TTN: variants seen among roughly 807,000 people sequenced by gnomAD.
TTN encodes titin.
A neutral mutation model predicts 3,223.0 loss-of-function variants in TTN; 1,525 were observed. That is an observed-to-expected ratio of 0.47 (90% CI 0.45 to 0.49). The LOEUF is 0.49. TTN is among the 20% of genes least tolerant of loss of function. The pLI is 0.00. For synonymous variants in TTN, 14,094 were observed against 15,161.0 expected (o/e 0.93, Z 5.17); for missense variants, 40,786 against 43,424.0 (o/e 0.94, Z 5.40).
At position 178,571,627 on chromosome 2, in the gene TTN, A is replaced by G. The variant is rs767447882; in HGVS notation, c.74505T>C (p.Tyr24835=). ...SITLSWGPPK[Y]DGGSSINNYI... ...AATTATTGATAGAACTTCCACCATC[A>G]TACTTGGGTGGGCCCCAGGAAAGAG... The change falls in exon 326 of 363, where the codon TAT becomes TAC. Residue 24835 remains tyrosine, a synonymous_variant. Coordinates refer to ENST00000589042, the MANE Select transcript of TTN (RefSeq NM_001267550.2). 6.2e-7 allele frequency: 1 copy of G among 1,613,324 alleles called. No homozygotes were observed. The highest frequency in any genetic ancestry group is 2.2e-5 in the East Asian group (1 of 44,700).
intron 100 of TTN, among the ~76,000 whole-genome samples, 193 bp from the exon 101 acceptor site, chr2:178,707,147 G>A (rs1322092534): frequency 6.6e-6 from 1 of 152,138 alleles, no homozygotes; most frequent in Non-Finnish European, 1.5e-5. Flanking sequence ...GCTATCAAAG[G>A]TTGAACTATA....
At position 178,574,153 on chromosome 2, in the gene TTN, A is replaced by T. The variant is rs762621988; in HGVS notation, c.71979T>A (p.Ala23993=). The T allele has an allele frequency of 6.2e-7, 1 of 1,613,628 alleles. No homozygotes were observed. The highest frequency in any genetic ancestry group is 8.5e-7 in the Non-Finnish European group (1 of 1,179,662). The change falls in exon 326 of 363, where the codon GCT becomes GCA. Residue 23993 remains alanine (A), a synonymous_variant. Coordinates refer to ENST00000589042, the MANE Select transcript of TTN (RefSeq NM_001267550.2). ...EFTVSGLTED[A]AYEFRVIAKN... is the part of the protein sequence containing the mutation. ...TGGCGATCACACGGAATTCATATGC[A>T]GCATCTTCTGTTAGGCCACTGACTG...
intron 150 of TTN, 24 bp from the exon 151 acceptor site, chr2:178,674,433 A>G (rs572658988): frequency 3.8e-6 from 5 of 1,319,312 alleles, no homozygotes; most frequent in Admixed American, 5.0e-5. Context: ...ATTATTTTGT[A>G]AATTATTTTT....
rs1456074713 is a variant in TTN, at chr2:178,723,847, T to A, written c.21403+9A>T. 6 of 1,591,724 alleles carry A rather than the reference T, an allele frequency of 3.8e-6. No homozygotes were observed. The highest frequency in any genetic ancestry group is 3.4e-5 in the Admixed American group (2 of 58,416). On this transcript the variant is annotated intron_variant, in intron 73 of 362. Coordinates refer to ENST00000589042, the MANE Select transcript of TTN (RefSeq NM_001267550.2). ...AAGAAATTCCTTACAAGTTTGACTG[T>A]CTACTGACCTTGTACAGTTAGCACT...
intron 295 of TTN, 62 bp from the exon 296 acceptor site, chr2:178,594,708 T>C: frequency 1.5e-6 from 2 of 1,338,964 alleles, no homozygotes; most frequent in Non-Finnish European, 2.0e-6. Flanking sequence ...TGTAGTAGGA[T>C]GTAGTGAATA....
At chr2:178,794,256 A>C in intron 8 of TTN, 143 bp downstream of exon 8, 1 of 1,276,998 alleles carries the variant, frequency 7.8e-7, no homozygotes, top group Admixed American at 1.7e-5. Flanking sequence ...AGAAAGTTCT[A>C]AAAGTCTGGG....
In TTN at chr2:178,612,482, G is replaced by A; in HGVS notation, c.50043C>T (p.Ser16681=). 1 of 1,612,122 alleles carries A rather than the reference G, an allele frequency of 6.2e-7. No homozygotes were observed. The highest frequency in any genetic ancestry group is 8.5e-7 in the Non-Finnish European group (1 of 1,179,132). ...KWTVPEKDGG[S]PITNYIVEKR... ...TTTCCACAATGTAGTTGGTGATGGG[G>A]GACCCTCCATCTTTCTCAGGAACTG... The change falls in exon 266 of 363, where the codon TCC becomes TCT. Residue 16681 remains serine, a synonymous_variant. Transcript: ENST00000589042.
chr2:178,679,625 T>C lies in TTN; in HGVS notation c.33638A>G (p.Lys11213Arg). ...TTTTGCCGGTGGAGCTTCCTTCTTC[T>C]TGGGAACAGGAACAGGTTTCTTCTC... ...PEEKKPVPVP[K>R]KKEAPPAKVP... is the part of the protein sequence containing the mutation. The change falls in exon 141 of 363, where the codon AAG (lysine) becomes AGG (arginine). Residue 11213 changes from lysine to arginine, a missense_variant. Physicochemically the swap from Lys to Arg is conservative, Grantham distance 26. Coordinates refer to ENST00000589042, the MANE Select transcript of TTN (RefSeq NM_001267550.2). 1 of 1,611,852 alleles carries C rather than the reference T, an allele frequency of 6.2e-7. No individual in the cohort carries two copies. The highest frequency in any genetic ancestry group is 8.5e-7 in the Non-Finnish European group (1 of 1,179,144).
In TTN at chr2:178,784,363, C is replaced by CA; in HGVS notation, c.2494-13dup. ...CCGGCTATTGATGCCTACATGGAAA[C>CA]AGAGTCAGAAAATAAAGTCATTTAA... On this transcript the variant is annotated splice_polypyrimidine_tract_variant and intron_variant, in intron 15 of 362. Transcript: ENST00000589042. 1 of 1,613,802 alleles carries CA rather than the reference C, an allele frequency of 6.2e-7. No individual in the cohort carries two copies. Among genetic ancestry groups the CA allele is most frequent in the Non-Finnish European group, 8.5e-7 (1 of 1,179,972 alleles).
At position 178,561,123 on chromosome 2, in the gene TTN, T is replaced by C. The variant is rs1703494767; in HGVS notation, c.85009A>G (p.Ser28337Gly). The C allele has an allele frequency of 6.2e-7, 1 of 1,613,758 alleles. No individual in the cohort carries two copies. Among genetic ancestry groups the C allele is most frequent in the African/African-American group, 1.3e-5 (1 of 74,922 alleles). ...GGCCCAGTGGATTCAGATGGCTCAC[T>C]AACTGAGTCAGCAGCATTCCTTGCA... is the stretch of plus-strand genomic sequence containing the variant. ...VFARNAADSV[S>G]EPSESTGPII... is the part of the protein sequence containing the mutation. Residue 28337 changes from serine (S) to glycine (G), a missense_variant, in exon 326 of 363, where the codon AGT becomes GGT. By Grantham distance (56) the Ser-to-Gly change is moderately conservative. Transcript: ENST00000589042.
intron 310 of TTN, 29 bp downstream of exon 310, chr2:178,584,640 A>C (rs1015694340): frequency 3.7e-6 from 6 of 1,610,300 alleles, no homozygotes; most frequent in Non-Finnish European, 5.1e-6. Flanking sequence ...GAAAGAAAAC[A>C]ACTTTTTTTC....
intron 168 of TTN, 43 bp downstream of exon 168, chr2:178,664,417 C>G: frequency 6.8e-7 from 1 of 1,460,252 alleles, no homozygotes; most frequent in Non-Finnish European, 9.5e-7. Flanking sequence ...CTTTCTATCG[C>G]CCCACCCACT....
chr2:178,554,599 A>G lies in TTN; in HGVS notation c.88748T>C (p.Met29583Thr). Reference sequence around the variant, plus strand: ...GCACTCTTCCAAATGTTCAGACACCATAGACCACACAACGCGGCTTGTCTC... The same window carrying G: ...GCACTCTTCCAAATGTTCAGACACCGTAGACCACACAACGCGGCTTGTCTC... ...KRETSRVVWS[M>T]VSEHLEECII... is the part of the protein sequence containing the mutation. Residue 29583 changes from methionine (M) to threonine (T), a missense_variant, in exon 332 of 363, where the codon ATG becomes ACG. Met to Thr is a moderately conservative substitution (Grantham distance 81). Transcript: ENST00000589042. The G allele has an allele frequency of 6.2e-7, 1 of 1,613,936 alleles. No homozygotes were observed. The highest frequency in any genetic ancestry group is 1.7e-5 in the Admixed American group (1 of 60,014).
Position 178,552,206 on chromosome 2 carries a change from T to C in TTN, c.90694A>G (p.Ile30232Val). The stretch of plus-strand genomic sequence containing the variant: ...TCAGCCTTGATTTCATCAAATCGAA[T>C]GGGTCCTTTGGGCTTTGATGGTGGG... Reference protein sequence around the residue: ...LGPPSKPKGPIRFDEIKADSV... With the variant: ...LGPPSKPKGPVRFDEIKADSV... The change falls in exon 335 of 363, where the codon ATT becomes GTT. Residue 30232 changes from isoleucine to valine, a missense_variant. Physicochemically the swap from Ile to Val is conservative, Grantham distance 29 (BLOSUM62 3). Transcript: ENST00000589042. 6.2e-7 allele frequency: 1 copy of C among 1,613,494 alleles called. No homozygotes were observed. The highest frequency in any genetic ancestry group is 1.1e-5 in the South Asian group (1 of 91,004).
Position 178,546,889 on chromosome 2 carries a change from T to C in TTN, c.94539A>G (p.Pro31513=). The change falls in exon 341 of 363, where the codon CCA becomes CCG. Residue 31513 remains proline, a synonymous_variant. Coordinates refer to ENST00000589042, the MANE Select transcript of TTN (RefSeq NM_001267550.2). ...TTGATCTTGTGACATCTGTCACCTCTGGTCTGCCTGGTGCATCTGGAAGGG... is the reference window on the plus strand; with the variant it reads ...TTGATCTTGTGACATCTGTCACCTCCGGTCTGCCTGGTGCATCTGGAAGGG... The part of the protein sequence containing the change: ...AQNPVDAPGR[P]EVTDVTRSTV... 6.3e-7 allele frequency: 1 copy of C among 1,588,458 alleles called. No individual in the cohort carries two copies.
chr2:178,592,247 A>C lies in TTN; in HGVS notation c.59657T>G (p.Val19886Gly), dbSNP rs755949982. The C allele has an allele frequency of 8.3e-5, 133 of 1,611,744 alleles. No homozygotes were observed. Among genetic ancestry groups the C allele is most frequent in the Non-Finnish European group, 1.1e-4 (126 of 1,179,008 alleles). Reference protein sequence around the residue: ...DKPGPPRDLEVSEIRKDSCYL... With the variant: ...DKPGPPRDLEGSEIRKDSCYL... ...ACATGAATCTTTCCTAATTTCACTG[A>C]CTTCCAGATCTCTAGGTGGCCCAGG... Residue 19886 changes from valine to glycine, a missense_variant, in exon 302 of 363, where the codon GTC becomes GGC. Val to Gly is a moderately radical substitution (Grantham distance 109, BLOSUM62 -3). Transcript: ENST00000589042.
rs1472241786 is a variant in TTN at position 178,749,671 on chromosome 2, A to G, written c.11311+3453T>C. ...TGACAGGCTCCACTGTTAGATCTGAAACACTTTCAACTGCCCCTGAATTGT... is the reference window on the plus strand; with the variant it reads ...TGACAGGCTCCACTGTTAGATCTGAGACACTTTCAACTGCCCCTGAATTGT... On this transcript the variant is annotated intron_variant, in intron 47 of 362. Coordinates refer to ENST00000589042, the MANE Select transcript of TTN (RefSeq NM_001267550.2). 8 of 1,612,810 alleles carry G rather than the reference A, an allele frequency of 5.0e-6. No homozygotes were observed. In the South Asian group the frequency reaches 7.7e-5, roughly 16 times the overall value.
Position 178,597,762 on chromosome 2 carries a change from C to T in TTN, c.57320G>A (p.Gly19107Glu). Reference protein sequence around the residue: ...SVRDRIVVHAGGVIRIIAYVS... With the variant: ...SVRDRIVVHAEGVIRIIAYVS... ...ATAGGCAATGATTCGGATCACCCCT[C>T]CAGCATGGACAACAATTCTATCTCT... is the stretch of plus-strand genomic sequence containing the variant. The change falls in exon 294 of 363, where the codon GGA (glycine) becomes GAA (glutamate). Residue 19107 changes from glycine to glutamate, a missense_variant. Gly to Glu is a moderately conservative substitution (Grantham distance 98). Transcript: ENST00000589042. 6.2e-7 allele frequency: 1 copy of T among 1,613,188 alleles called. No homozygotes were observed. The highest frequency in any genetic ancestry group is 2.2e-5 in the East Asian group (1 of 44,656).
rs771158480 is a variant in TTN, at chr2:178,593,604, G to A, written c.58696C>T (p.Leu19566=). Residue 19566 remains leucine, a synonymous_variant, in exon 298 of 363, where the codon CTG becomes TTG. Coordinates refer to ENST00000589042, the MANE Select transcript of TTN (RefSeq NM_001267550.2). ...TTGGCTTTCATTGAATCAGACACCA[G>A]AGGATCACTTATTCCATACAGATTT... ...AENLYGISDP[L]VSDSMKAKDR... 6.2e-7 allele frequency: 1 copy of A among 1,612,772 alleles called. No homozygotes were observed. Among genetic ancestry groups the A allele is most frequent in the Non-Finnish European group, 8.5e-7 (1 of 1,179,454 alleles).
Sources: gnomAD v4.1 joint callset for allele counts (sites outside exome capture counted in the v4.1 genomes callset) on GRCh38, gnomAD v4.1.1 for gene constraint, MANE v1.5 for transcripts, NCBI Gene and HGNC (gene_info 2026-07-23, HGNC 2026-07-21) for gene names.